The following ADAMTSL1 variants were observed in gnomAD, a reference collection of about 807,000 sequenced individuals.
The protein encoded by ADAMTSL1 is ADAMTS like 1.
ADAMTSL1 carries 126 observed loss-of-function variants against 201.8 expected under a neutral mutation model. The ratio of observed to expected loss-of-function variants is 0.62; its 90% CI spans 0.54 to 0.72. The LOEUF (loss-of-function observed/expected upper bound fraction) is 0.72, where lower values mean the gene tolerates loss of function less well. Among genes scored for constraint, ADAMTSL1 ranks in the 30% least tolerant of loss-of-function variants. The pLI is 0.00. For synonymous variants in ADAMTSL1, 1,121 were observed against 903.4 expected, an observed-to-expected ratio of 1.24 and a Z score of -4.32; for missense variants, 2,679 against 2,277.8, an observed-to-expected ratio of 1.18 and a Z score of -3.59.
intron 2 of ADAMTSL1, among the ~76,000 whole-genome samples, chr9:18,193,687 G>A (rs1184652553): frequency 1.3e-5 from 2 of 152,138 alleles, no homozygotes; most frequent in Non-Finnish European, 2.9e-5. Flanking sequence ...GGAAAGGACA[G>A]GCCGTCTGTT....
rs774182470 is a variant in ADAMTSL1, at chr9:18,151,348, C to T, written c.88-12514C>T. ...GATGTGGGAAGTAACCGTGGAAATACTAGCAATAATTTTAGCTAATTCACA... is the reference window on the plus strand; with the variant it reads ...GATGTGGGAAGTAACCGTGGAAATATTAGCAATAATTTTAGCTAATTCACA... On this transcript the variant is annotated intron_variant, in intron 1 of 29. Transcript: ENST00000680146. 1.3e-5 allele frequency among the ~76,000 whole-genome samples: 2 copies of T among 152,144 alleles called. 1 individual carries two copies. The highest frequency in any genetic ancestry group is 1.3e-4 in the Admixed American group (2 of 15,258).
chr9:18,341,837 G>A (rs1450227829), intron 2 of ADAMTSL1, among the ~76,000 whole-genome samples: 1 of 152,062 alleles, frequency 6.6e-6, no homozygotes, highest in Non-Finnish European at 1.5e-5. Context: ...CCAGAGGCAG[G>A]TAATGGGAGA....
intron 1 of ADAMTSL1, among the ~76,000 whole-genome samples, chr9:18,077,674 A>C (rs994402879): frequency 4.6e-5 from 7 of 152,200 alleles, no homozygotes; most frequent in Non-Finnish European, 1.0e-4. Flanking sequence ...TACTTGTGTG[A>C]GAAGTTGAAT....
intron 2 of ADAMTSL1, among the ~76,000 whole-genome samples, chr9:18,339,299 G>A (rs374553869): frequency 3.3e-5 from 5 of 152,076 alleles, no homozygotes; most frequent in East Asian, 3.9e-4. Flanking sequence ...CAAAGGACAT[G>A]AACAGACACT....
chr9:18,280,350 T>G (rs1287577656), intron 2 of ADAMTSL1, among the ~76,000 whole-genome samples: 1 of 151,216 alleles, frequency 6.6e-6, no homozygotes, highest in Non-Finnish European at 1.5e-5. Flanking sequence ...GGCACTGGGG[T>G]AGGCCTGGAA....
At chr9:18,880,566 T>C (rs1420717454) in intron 23 of ADAMTSL1, among the ~76,000 whole-genome samples, 3 of 152,206 alleles carry the variant, frequency 2.0e-5, no homozygotes, top group South Asian at 2.1e-4. Context: ...GGTAACAAAA[T>C]AGTGATCTTA....
chr9:18,858,468 C>T (rs1467929530), intron 23 of ADAMTSL1, among the ~76,000 whole-genome samples: 2 of 152,180 alleles, frequency 1.3e-5, no homozygotes, highest in African/African-American at 4.8e-5. Flanking sequence ...TCTTCTTTAG[C>T]CTTGCCTAAT....
chr9:18,516,098 A>AG (rs1554693569), intron 2 of ADAMTSL1, among the ~76,000 whole-genome samples: 128 of 151,790 alleles, frequency 8.4e-4, no homozygotes, highest in African/African-American at 2.8e-3. Context: ...AAAAAAAAAA[A>AG]AAAGAAAGAA....
At chr9:18,006,842 T>C (rs918336958) in intron 1 of ADAMTSL1, among the ~76,000 whole-genome samples, 49 of 152,112 alleles carry the variant, frequency 3.2e-4, no homozygotes, top group African/African-American at 1.2e-3. Flanking sequence ...GAATAGGAGA[T>C]TCAGAACTGA....
intron 1 of ADAMTSL1, among the ~76,000 whole-genome samples, chr9:18,056,903 A>G (rs1315150278): frequency 1.3e-5 from 2 of 152,062 alleles, no homozygotes; most frequent in Non-Finnish European, 2.9e-5. Context: ...GTTTTTTTCA[A>G]GACTGGAGCC....
At chr9:17,980,145 C>T (rs949063543) in intron 1 of ADAMTSL1, among the ~76,000 whole-genome samples, 6 of 152,144 alleles carry the variant, frequency 3.9e-5, no homozygotes, top group African/African-American at 1.4e-4. Context: ...GTTCTTTCTA[C>T]TTCTTAAATG....
chr9:18,613,845 G>A (rs1002168231), intron 4 of ADAMTSL1, among the ~76,000 whole-genome samples: 3 of 152,126 alleles, frequency 2.0e-5, no homozygotes, highest in Non-Finnish European at 4.4e-5. Flanking sequence ...ATATACCTAT[G>A]TAACAAAGCT....
intron 16 of ADAMTSL1, among the ~76,000 whole-genome samples, chr9:18,765,808 T>G (rs997285197): frequency 5.3e-5 from 8 of 152,168 alleles, no homozygotes; most frequent in Admixed American, 5.2e-4. Context: ...GGGTGATAAT[T>G]TCTGAAAATA....
intron 2 of ADAMTSL1, among the ~76,000 whole-genome samples, chr9:18,299,406 A>G (rs918990965): frequency 1.3e-5 from 2 of 152,214 alleles, no homozygotes; most frequent in African/African-American, 4.8e-5. Context: ...ATGCCATGAA[A>G]CAACTAGTCA....
intron 2 of ADAMTSL1, among the ~76,000 whole-genome samples, chr9:18,209,421 G>C (rs1340992049): frequency 2.0e-5 from 3 of 152,148 alleles, no homozygotes; most frequent in African/African-American, 7.2e-5. Context: ...ATCACCCAGA[G>C]CTATGTGAAC....
chr9:18,189,845 C>G lies in ADAMTSL1; in HGVS notation c.207+25864C>G, dbSNP rs148428095. 1.0e-3 allele frequency among the ~76,000 whole-genome samples: 158 copies of G among 152,280 alleles called. No homozygotes were observed. In the East Asian group the frequency reaches 0.023, roughly 22 times the overall value. On this transcript the variant is annotated intron_variant, in intron 2 of 29. Transcript: ENST00000680146. ...TGTGGACTTTTAAACTCTCTGAGAA[C>G]TACCTTTTGAAAGGTTTTTGTACTC...
chr9:18,130,929 G>A (rs959760526), intron 1 of ADAMTSL1, among the ~76,000 whole-genome samples: 1 of 152,070 alleles, frequency 6.6e-6, no homozygotes, highest in Non-Finnish European at 1.5e-5. Context: ...TGCCATTCCT[G>A]ACTAGTGGTT....
chr9:17,946,976 CA>C (rs1299429532), intron 1 of ADAMTSL1, among the ~76,000 whole-genome samples: 1 of 151,888 alleles, frequency 6.6e-6, no homozygotes, highest in African/African-American at 2.4e-5. Context: ...GGTTGATTTA[CA>C]AAATAGTTCT....
At chr9:18,536,714 C>A (rs941197433) in intron 3 of ADAMTSL1, among the ~76,000 whole-genome samples, 2 of 152,126 alleles carry the variant, frequency 1.3e-5, no homozygotes, top group African/African-American at 4.8e-5. Flanking sequence ...GAAGGAAAGA[C>A]AAAGATGCTA....
Sources: allele counts gnomAD v4.1 joint callset (sites outside exome capture counted in the v4.1 genomes callset), GRCh38; gene constraint gnomAD v4.1.1; transcripts MANE v1.5; gene names NCBI Gene and HGNC (gene_info 2026-07-23, HGNC 2026-07-21).